CLNK: variants seen among roughly 807,000 people sequenced by gnomAD.
CLNK encodes cytokine dependent hematopoietic cell linker.
A neutral mutation model predicts 68.6 loss-of-function variants in CLNK; 74 were observed. The observed-to-expected ratio is 1.08, with a 90% CI of 0.89 to 1.31. CLNK has a LOEUF of 1.31. Among genes scored for constraint, CLNK ranks in the 50% most tolerant of loss-of-function variants. The pLI, the probability that CLNK is intolerant of heterozygous loss-of-function variation, is 0.00. For missense variants in CLNK, 553 were observed against 515.3 expected (o/e 1.07, Z -0.71); for synonymous variants, 198 against 172.2 (o/e 1.15, Z -1.17).
chr4:10,714,643 C>T, the CLNK span, among the ~76,000 whole-genome samples: 1 of 151,852 alleles, frequency 6.6e-6, no homozygotes, highest in South Asian at 2.1e-4. Flanking sequence ...GTCCTTAGAT[C>T]TCTTTTAATC....
chr4:10,571,800 G>C (rs774352420), intron 4 of CLNK, 22 bp from the exon 5 acceptor site: 1 of 1,606,014 alleles, frequency 6.2e-7, no homozygotes, highest in African/African-American at 1.3e-5. Context: ...AACAGACCGA[G>C]TGTTATTTTA....
intron 8 of CLNK, among the ~76,000 whole-genome samples, chr4:10,554,771 C>G (rs1394033719): frequency 6.6e-6 from 1 of 152,200 alleles, no homozygotes; most frequent in Non-Finnish European, 1.5e-5. Flanking sequence ...GATAACCAAT[C>G]TCATCATTAT....
chr4:10,685,089 G>C (rs1725221616), upstream of CLNK: 1 of 152,178 alleles, frequency 6.6e-6, no homozygotes, highest in African/African-American at 2.4e-5. Flanking sequence ...CACTTTATAT[G>C]AATAGTGGAC....
At chr4:10,569,720 G>A (rs1053831819) in intron 5 of CLNK, among the ~76,000 whole-genome samples, 7 of 152,102 alleles carry the variant, frequency 4.6e-5, no homozygotes, top group African/African-American at 7.2e-5. Context: ...ATCTGCAGCC[G>A]GCATCATGTT....
chr4:10,665,417 G>A (rs1003837930), intron 2 of CLNK, among the ~76,000 whole-genome samples: 6 of 152,156 alleles, frequency 3.9e-5, no homozygotes, highest in Non-Finnish European at 8.8e-5. Context: ...TGTAATTCCA[G>A]CACTTTGGGA....
intron 1 of CLNK, among the ~76,000 whole-genome samples, chr4:10,684,321 G>A (rs965357018): frequency 1.3e-5 from 2 of 152,152 alleles, no homozygotes; most frequent in Admixed American, 6.6e-5. Flanking sequence ...TTTCTAGAGG[G>A]CTTACTTAAT....
intron 2 of CLNK, among the ~76,000 whole-genome samples, chr4:10,612,424 A>T (rs1339195724): frequency 6.6e-6 from 1 of 152,204 alleles, no homozygotes; most frequent in Non-Finnish European, 1.5e-5. Flanking sequence ...CACTTTTCTC[A>T]ATTATTCCTG....
the CLNK span, among the ~76,000 whole-genome samples, chr4:10,699,516 T>TATTA: frequency 9.3e-6 from 1 of 107,874 alleles, no homozygotes; most frequent in African/African-American, 4.6e-5. Context: ...ATATATATTT[T>TATTA]TTTTTTTTTT....
chr4:10,537,667 C>CTT (rs1290738923), intron 11 of CLNK, among the ~76,000 whole-genome samples: 2 of 62,252 alleles, frequency 3.2e-5, no homozygotes, highest in Non-Finnish European at 6.1e-5. Flanking sequence ...TTCTTTCTTT[C>CTT]TTTCTTTCTT....
the CLNK span, among the ~76,000 whole-genome samples, chr4:10,700,622 T>C: frequency 1.3e-5 from 2 of 152,168 alleles, no homozygotes; most frequent in African/African-American, 2.4e-5. Flanking sequence ...GCAGCTCAAA[T>C]GCAGTGGTCG....
intron 2 of CLNK, among the ~76,000 whole-genome samples, chr4:10,612,253 G>C (rs1347746849): frequency 6.6e-6 from 1 of 152,224 alleles, no homozygotes; most frequent in Non-Finnish European, 1.5e-5. Flanking sequence ...GTTCAATACA[G>C]ATTGGTGTGA....
Position 10,525,893 on chromosome 4 carries a change from T to C in CLNK, c.679A>G (p.Thr227Ala), listed in dbSNP as rs780584216. Residue 227 changes from threonine to alanine, a missense_variant, in exon 14 of 19, where the codon ACT becomes GCT. By Grantham distance (58) the Thr-to-Ala change is moderately conservative. Coordinates refer to ENST00000226951, the MANE Select transcript of CLNK (RefSeq NM_052964.4). ...VPHNQRKPESTHLLENQNTQE... is the reference protein window; with the variant it reads ...VPHNQRKPESAHLLENQNTQE... ...GTATTTTGGTTTTCTAACAGATGAG[T>C]TGATTCAGGCTTCCTCTGGTTATGA... 1.9e-6 allele frequency: 3 copies of C among 1,580,504 alleles called. No homozygotes were observed. Among genetic ancestry groups the C allele is most frequent in the Non-Finnish European group, 2.6e-6 (3 of 1,161,212 alleles).
chr4:10,630,499 G>A (rs941974889), intron 2 of CLNK, among the ~76,000 whole-genome samples: 12 of 151,586 alleles, frequency 7.9e-5, no homozygotes, highest in Non-Finnish European at 1.6e-4. Flanking sequence ...GCTATGTGTT[G>A]TGGATTCAAA....
intron 5 of CLNK, 127 bp from the exon 6 acceptor site, chr4:10,566,277 G>A (rs1720110806): frequency 2.3e-6 from 2 of 879,724 alleles, no homozygotes; most frequent in Non-Finnish European, 3.5e-6. Flanking sequence ...AGAATCTAGG[G>A]TCTGGGATCT....
intron 2 of CLNK, among the ~76,000 whole-genome samples, chr4:10,599,967 G>C (rs1721529731): frequency 6.6e-6 from 1 of 152,160 alleles, no homozygotes; most frequent in South Asian, 2.1e-4. Context: ...ATATTATCAA[G>C]TCACCTCCTT....
intron 2 of CLNK, among the ~76,000 whole-genome samples, chr4:10,627,366 C>A (rs1309448453): frequency 1.3e-5 from 2 of 152,178 alleles, no homozygotes; most frequent in African/African-American, 4.8e-5. Context: ...CCCAAACTTG[C>A]CCTTTTCTCC....
chr4:10,717,322 G>A, the CLNK span, among the ~76,000 whole-genome samples: 237 of 152,366 alleles, frequency 1.6e-3, no homozygotes, highest in Middle Eastern at 0.01. Flanking sequence ...GTGGCCGGGT[G>A]TGGTGGCTCA....
chr4:10,603,505 G>A (rs972379474), intron 2 of CLNK, among the ~76,000 whole-genome samples: 2 of 152,154 alleles, frequency 1.3e-5, no homozygotes, highest in Non-Finnish European at 2.9e-5. Flanking sequence ...CTCAGGAACT[G>A]CCGCAGGTTG....
At chr4:10,651,939 G>T (rs185749015) in intron 2 of CLNK, among the ~76,000 whole-genome samples, 3 of 149,470 alleles carry the variant, frequency 2.0e-5, no homozygotes, top group Non-Finnish European at 1.5e-5. Flanking sequence ...AATGGAGTTA[G>T]AAAAATACAC....
Sources: gnomAD v4.1 joint callset for allele counts (sites outside exome capture counted in the v4.1 genomes callset) on GRCh38, gnomAD v4.1.1 for gene constraint, MANE v1.5 for transcripts, NCBI Gene and HGNC (gene_info 2026-07-23, HGNC 2026-07-21) for gene names.